Variants in CNTNAP2 observed in about 807,000 individuals in gnomAD.
CNTNAP2 encodes contactin associated protein 2.
Under a neutral mutation model 155.2 loss-of-function variants are expected in CNTNAP2, and 98 were observed. The observed-to-expected ratio is 0.63, with a 90% CI of 0.54 to 0.75. The LOEUF (loss-of-function observed/expected upper bound fraction) is 0.75. CNTNAP2 is among the 30% of genes least tolerant of loss of function. The pLI is 0.00. For missense variants in CNTNAP2, 1,727 were observed against 1,688.1 expected, an observed-to-expected ratio of 1.02 and a Z score of -0.40; for synonymous variants, 651 against 631.2, an observed-to-expected ratio of 1.03 and a Z score of -0.47.
chr7:146,778,383 G>A (rs977859785), intron 2 of CNTNAP2, among the ~76,000 whole-genome samples: 10 of 152,292 alleles, frequency 6.6e-5, no homozygotes, highest in African/African-American at 2.4e-4. Flanking sequence ...ACCAGTACAT[G>A]GCAAAAGTAT....
intron 20 of CNTNAP2, among the ~76,000 whole-genome samples, chr7:148,244,358 T>A (rs896157485): frequency 2.0e-5 from 3 of 152,178 alleles, no homozygotes; most frequent in African/African-American, 7.2e-5. Flanking sequence ...AAAAACAATA[T>A]TGATTGTGTT....
At chr7:148,364,237 A>G (rs537930082) in intron 21 of CNTNAP2, among the ~76,000 whole-genome samples, 604 of 152,346 alleles carry the variant, frequency 4.0e-3, no homozygotes, top group Middle Eastern at 0.01. Flanking sequence ...CTGCAGCCCC[A>G]GTGCGGGATC....
chr7:148,384,553 C>A (rs1250508713), intron 22 of CNTNAP2, among the ~76,000 whole-genome samples: 1 of 152,172 alleles, frequency 6.6e-6, no homozygotes, highest in Admixed American at 6.5e-5. Context: ...CCTAGCTCCA[C>A]CTAAATTGGC....
chr7:148,246,211 A>G (rs1372039014), intron 20 of CNTNAP2, among the ~76,000 whole-genome samples: 1 of 152,230 alleles, frequency 6.6e-6, no homozygotes, highest in Non-Finnish European at 1.5e-5. Context: ...ATTGCTGCCA[A>G]AACCTACTGG....
At chr7:148,142,125 G>GTGTGTA (rs1805087199) in intron 16 of CNTNAP2, among the ~76,000 whole-genome samples, 1 of 151,572 alleles carries the variant, frequency 6.6e-6, no homozygotes, top group Non-Finnish European at 1.5e-5. Context: ...GTGTGTGTGT[G>GTGTGTA]TGTGTGTGTT....
intron 11 of CNTNAP2, among the ~76,000 whole-genome samples, chr7:147,504,702 C>CA (rs1554399298): frequency 5.0e-5 from 2 of 39,984 alleles, no homozygotes; most frequent in Non-Finnish European, 1.5e-4. Flanking sequence ...AAAAAAAAAA[C>CA]AAAAAACCTC....
chr7:146,862,301 A>G (rs955347593), intron 3 of CNTNAP2, among the ~76,000 whole-genome samples: 7 of 152,194 alleles, frequency 4.6e-5, no homozygotes, highest in Non-Finnish European at 8.8e-5. Flanking sequence ...TTGTAACATA[A>G]AAAGAGCTGT....
chr7:148,271,655 G>A (rs1388999422), intron 21 of CNTNAP2, among the ~76,000 whole-genome samples: 1 of 152,188 alleles, frequency 6.6e-6, no homozygotes, highest in Non-Finnish European at 1.5e-5. Context: ...AGGAGTCTCA[G>A]TGAAGACCCC....
intron 14 of CNTNAP2, among the ~76,000 whole-genome samples, chr7:147,921,047 G>C (rs1010896719): frequency 6.6e-6 from 1 of 151,770 alleles, no homozygotes; most frequent in Admixed American, 6.6e-5. Context: ...CTGACCTTGT[G>C]ATCTGCCCAC....
intron 1 of CNTNAP2, among the ~76,000 whole-genome samples, chr7:146,505,267 G>T (rs546944281): frequency 1.4e-4 from 22 of 152,292 alleles, no homozygotes; most frequent in South Asian, 6.2e-4. Flanking sequence ...TCAACTCATC[G>T]TAGGTGTGGG....
intron 3 of CNTNAP2, among the ~76,000 whole-genome samples, chr7:146,962,705 C>A (rs1797578963): frequency 6.6e-6 from 1 of 152,120 alleles, no homozygotes; most frequent in Non-Finnish European, 1.5e-5. Context: ...CAGGCGCCAC[C>A]ACATCCAGCT....
chr7:147,270,100 G>A (rs532484884), intron 8 of CNTNAP2, among the ~76,000 whole-genome samples: 21 of 152,056 alleles, frequency 1.4e-4, no homozygotes, highest in African/African-American at 3.6e-4. Context: ...AACACAATAC[G>A]CAACATAACA....
intron 15 of CNTNAP2, among the ~76,000 whole-genome samples, chr7:148,026,687 C>T (rs111623810): frequency 1.2e-3 from 178 of 152,192 alleles, no homozygotes; most frequent in African/African-American, 4.1e-3. Context: ...ACCAGATACC[C>T]GCCCACCTCA....
chr7:147,869,628 G>A (rs749503973), intron 13 of CNTNAP2, among the ~76,000 whole-genome samples: 4 of 152,188 alleles, frequency 2.6e-5, no homozygotes, highest in Non-Finnish European at 5.9e-5. Flanking sequence ...AGGAAGGGAA[G>A]TGAAAAAATA....
At chr7:146,877,621 GTGTA>G (rs61387703) in intron 3 of CNTNAP2, among the ~76,000 whole-genome samples, 38,046 of 151,062 alleles carry the variant, frequency 0.25, 4,882 homozygotes, top group Non-Finnish European at 0.29. Flanking sequence ...ATATATGTGT[GTGTA>G]TGTATGTATG....
intron 18 of CNTNAP2, chr7:148,190,403 T>A (rs541696610): frequency 1.3e-5 from 2 of 152,314 alleles, no homozygotes; most frequent in East Asian, 3.9e-4. Flanking sequence ...TGGGGAGCAA[T>A]CTGTTAGGTA....
chr7:148,132,401 GT>G (rs1333679241), intron 16 of CNTNAP2, among the ~76,000 whole-genome samples: 1 of 129,556 alleles, frequency 7.7e-6, no homozygotes, highest in African/African-American at 2.9e-5. Context: ...TTTTTTTTTA[GT>G]TTAGGTACTT....
chr7:147,702,087 A>G (rs1449891771), intron 13 of CNTNAP2, among the ~76,000 whole-genome samples: 1 of 133,914 alleles, frequency 7.5e-6, no homozygotes, highest in African/African-American at 3.0e-5. Context: ...TCCGAAATAT[A>G]CTTGTCCATA....
intron 1 of CNTNAP2, among the ~76,000 whole-genome samples, chr7:146,232,440 T>A (rs1799401770): frequency 6.6e-6 from 1 of 152,066 alleles, no homozygotes; most frequent in Non-Finnish European, 1.5e-5. Context: ...TTGAGAAATG[T>A]GTGTAGTTCA....
Sources: gnomAD v4.1 joint callset for allele counts (sites outside exome capture counted in the v4.1 genomes callset) on GRCh38, gnomAD v4.1.1 for gene constraint, MANE v1.5 for transcripts, NCBI Gene and HGNC (gene_info 2026-07-23, HGNC 2026-07-21) for gene names.